The following RUNDC3B variants were observed in gnomAD, a reference collection of about 807,000 sequenced individuals.
RUNDC3B encodes RUN domain containing 3B.
Under a neutral mutation model 58.4 loss-of-function variants are expected in RUNDC3B, and 33 were observed. The observed-to-expected ratio is 0.56, with a 90% CI of 0.43 to 0.75. The LOEUF (loss-of-function observed/expected upper bound fraction) is 0.75, where lower values mean the gene tolerates loss of function less well. Among genes scored for constraint, RUNDC3B ranks in the 30% least tolerant of loss-of-function variants. RUNDC3B has a pLI of 0.00. For synonymous variants in RUNDC3B, 193 were observed against 195.2 expected (o/e 0.99, Z 0.10); for missense variants, 501 against 535.7 (o/e 0.94, Z 0.64).
chr7:87,758,505 C>T (rs896890386), intron 6 of RUNDC3B, among the ~76,000 whole-genome samples: 5 of 152,066 alleles, frequency 3.3e-5, no homozygotes, highest in African/African-American at 1.2e-4. Context: ...AGCTTCTGCA[C>T]AGCAAAGGAA....
At chr7:87,667,185 T>G (rs1241080732) in intron 2 of RUNDC3B, among the ~76,000 whole-genome samples, 2 of 152,116 alleles carry the variant, frequency 1.3e-5, no homozygotes, top group African/African-American at 4.8e-5. Flanking sequence ...GTAATTCTCA[T>G]TGTAGAGATT....
chr7:87,691,492 G>C (rs923558855), intron 2 of RUNDC3B, among the ~76,000 whole-genome samples: 1 of 152,050 alleles, frequency 6.6e-6, no homozygotes, highest in African/African-American at 2.4e-5. Context: ...AAGCTACATA[G>C]TGTTAAATAC....
At chr7:87,659,276 C>G (rs1401706824) in intron 2 of RUNDC3B, 1 of 402,098 alleles carries the variant, frequency 2.5e-6, no homozygotes, top group Non-Finnish European at 4.9e-6. Flanking sequence ...TGTTTGTTCC[C>G]CCTGTTCTTG....
intron 9 of RUNDC3B, among the ~76,000 whole-genome samples, chr7:87,814,683 A>T (rs958978840): frequency 6.6e-6 from 1 of 152,202 alleles, no homozygotes; most frequent in African/African-American, 2.4e-5. Flanking sequence ...ATTGCACATT[A>T]CATAGCTCAT....
intron 1 of RUNDC3B, among the ~76,000 whole-genome samples, chr7:87,648,383 C>T (rs1401584826): frequency 2.0e-5 from 3 of 151,760 alleles, no homozygotes; most frequent in Non-Finnish European, 4.4e-5. Context: ...AAAGTGGTTG[C>T]AACAGAAAGG....
chr7:87,709,653 C>G, intron 3 of RUNDC3B: 1 of 302,322 alleles, frequency 3.3e-6, no homozygotes, highest in Non-Finnish European at 4.9e-6. Context: ...GGTGAATTCA[C>G]TAGACTTGCA....
intron 8 of RUNDC3B, among the ~76,000 whole-genome samples, chr7:87,792,235 CA>C (rs1234631575): frequency 3.9e-5 from 6 of 152,046 alleles, no homozygotes; most frequent in South Asian, 2.1e-4. Context: ...TAGAGCTAAA[CA>C]GAGAGATAGA....
chr7:87,736,900 T>A (rs1389497833), intron 4 of RUNDC3B, among the ~76,000 whole-genome samples: 9 of 113,096 alleles, frequency 8.0e-5, no homozygotes, highest in Non-Finnish European at 1.6e-4. Context: ...TTTTTTTTTT[T>A]TTTTTTTTTT....
At chr7:87,660,234 G>A (rs919527927) in intron 2 of RUNDC3B, among the ~76,000 whole-genome samples, 1 of 152,092 alleles carries the variant, frequency 6.6e-6, no homozygotes, top group Non-Finnish European at 1.5e-5. Flanking sequence ...GTGAGTGTGA[G>A]TGAGTGTATT....
chr7:87,744,791 C>T (rs138390408), intron 6 of RUNDC3B, among the ~76,000 whole-genome samples: 124 of 152,160 alleles, frequency 8.1e-4, no homozygotes, highest in African/African-American at 2.7e-3. Context: ...TTCTCTTTAC[C>T]GATGTGGATG....
intron 8 of RUNDC3B, among the ~76,000 whole-genome samples, chr7:87,799,619 TG>T (rs1217582250): frequency 6.6e-6 from 1 of 152,132 alleles, no homozygotes; most frequent in Non-Finnish European, 1.5e-5. Context: ...CCAGGCGCGG[TG>T]GTTCATGCCT....
intron 1 of RUNDC3B, among the ~76,000 whole-genome samples, chr7:87,633,587 C>T (rs188867471): frequency 6.6e-6 from 1 of 152,142 alleles, no homozygotes; most frequent in East Asian, 1.9e-4. Context: ...CAGTTCTTTT[C>T]TTTGTACTTC....
At chr7:87,707,541 G>T (rs1347931716) in intron 3 of RUNDC3B, among the ~76,000 whole-genome samples, 2 of 152,010 alleles carry the variant, frequency 1.3e-5, no homozygotes, top group Non-Finnish European at 2.9e-5. Context: ...AGGTGTGGTG[G>T]CACGCACCTG....
intron 7 of RUNDC3B, 119 bp from the exon 8 acceptor site, chr7:87,777,679 C>T (rs773106462): frequency 7.1e-6 from 5 of 708,046 alleles, no homozygotes; most frequent in Non-Finnish European, 1.1e-5. Context: ...ATCAGTAATG[C>T]TTTGAAATTG....
intron 6 of RUNDC3B, among the ~76,000 whole-genome samples, chr7:87,757,479 G>C (rs1378890728): frequency 2.6e-5 from 4 of 151,976 alleles, no homozygotes; most frequent in Non-Finnish European, 5.9e-5. Flanking sequence ...AACCAAAGAA[G>C]TAAGAGATCT....
intron 4 of RUNDC3B, among the ~76,000 whole-genome samples, chr7:87,726,093 T>A (rs1217924210): frequency 1.3e-5 from 2 of 152,018 alleles, no homozygotes; most frequent in African/African-American, 4.8e-5. Context: ...CTCTTTAGTT[T>A]AATTAGATCC....
chr7:87,705,643 T>C (rs779098454), intron 3 of RUNDC3B, among the ~76,000 whole-genome samples: 3 of 152,228 alleles, frequency 2.0e-5, no homozygotes, highest in Non-Finnish European at 2.9e-5. Flanking sequence ...ATGAGACTTT[T>C]ATTACATAAA....
chr7:87,818,877 A>C (rs1311547858), intron 10 of RUNDC3B, among the ~76,000 whole-genome samples: 1 of 152,178 alleles, frequency 6.6e-6, no homozygotes, highest in Non-Finnish European at 1.5e-5. Flanking sequence ...AGTGTTAAGA[A>C]GGTAAATTTA....
Position 87,829,794 on chromosome 7 carries a change from T to C in RUNDC3B, c.1226-91T>C. ...GGGCAGTATGGTCATTTTCACAGTATTGATTCTTCCAATTTCTAATGGTTT... is the reference window on the plus strand; with the variant it reads ...GGGCAGTATGGTCATTTTCACAGTACTGATTCTTCCAATTTCTAATGGTTT... On this transcript the variant is annotated intron_variant, in intron 10 of 10. Transcript: ENST00000394654. 3 of 954,364 alleles carry C rather than the reference T, an allele frequency of 3.1e-6. No homozygotes were observed. In the South Asian group the frequency reaches 5.2e-5, roughly 17 times the overall value. 59.1% of individuals were successfully genotyped at this position (954,364 alleles called of 1,614,324 possible).
Sources: allele counts gnomAD v4.1 joint callset (sites outside exome capture counted in the v4.1 genomes callset), GRCh38; gene constraint gnomAD v4.1.1; transcripts MANE v1.5; gene names NCBI Gene and HGNC (gene_info 2026-07-23, HGNC 2026-07-21).